Variants in PARP10 observed in about 807,000 individuals in gnomAD.
PARP10 encodes the protein poly(ADP-ribose) polymerase family member 10.
In PARP10, 56 loss-of-function variants were observed where a neutral mutation model predicts 82.4. That is an observed-to-expected ratio of 0.68 (90% CI 0.55 to 0.85). PARP10 has a LOEUF of 0.85. Ranked by LOEUF, PARP10 falls within the 40% of genes least tolerant of loss-of-function variation. PARP10 has a pLI of 0.00. For synonymous variants in PARP10, 576 were observed against 601.1 expected (o/e 0.96, Z 0.61); for missense variants, 1,227 against 1,379.4 (o/e 0.89, Z 1.75).
At chr8:144,000,222 T>C (rs1476642647) in intron 1 of PARP10, among the ~76,000 whole-genome samples, 1 of 152,170 alleles carries the variant, frequency 6.6e-6, no homozygotes, top group East Asian at 1.9e-4. Flanking sequence ...GTTGAAGATG[T>C]AACTGGTTAA....
At position 143,985,642 on chromosome 8, in the gene PARP10, C is replaced by T. The variant is rs138206875; in HGVS notation, c.443G>A (p.Arg148His). ...ATTCTGGGCCTGCTCCTCCAGGACA[C>T]GGACATCTGTGGGGTATGTGCAGGT... ...LPKPLSEADV[R>H]VLEEQAQNLG... is the part of the protein sequence containing the mutation. Residue 148 changes from arginine to histidine, a missense_variant, in exon 4 of 11, where the codon CGT becomes CAT. Transcript: ENST00000313028. 6.4e-5 allele frequency: 103 copies of T among 1,613,040 alleles called. No homozygotes were observed. The highest frequency in any genetic ancestry group is 1.8e-4 in the Admixed American group (11 of 59,822).
chr8:143,983,800 C>A lies in PARP10; in HGVS notation c.1789G>T (p.Glu597Ter). Reference protein sequence around the residue: ...QEDVSLEEVRELLATLEGLDL... With the variant: ...QEDVSLEEVR ...AGGCCCTCCAGGGTGGCCAGCAGTT[C>A]TCGGACCTCCTCTGGGGGCAGGGAG... is the stretch of plus-strand genomic sequence containing the variant. The change falls in exon 8 of 11, where the codon GAA becomes TAA. Residue 597 changes from glutamate to a stop codon, truncating the protein, a stop_gained. Coordinates refer to ENST00000313028, the MANE Select transcript of PARP10 (RefSeq NM_032789.5). LOFTEE classifies it high-confidence loss of function. 6.3e-7 allele frequency: 1 copy of A among 1,586,220 alleles called. No individual in the cohort carries two copies. The highest frequency in any genetic ancestry group is 8.6e-7 in the Non-Finnish European group (1 of 1,163,762).
Position 143,983,438 on chromosome 8 carries a change from C to G in PARP10, c.2151G>C (p.Gln717His). Residue 717 changes from glutamine to histidine, a missense_variant, in exon 8 of 11, where the codon CAG becomes CAC. Coordinates refer to ENST00000313028, the MANE Select transcript of PARP10 (RefSeq NM_032789.5). ...GCGCCCGGTCCAGCTCCTCCACATCCTGCTCAAAGGCCGAGTGCACCACCA... is the reference window on the plus strand; with the variant it reads ...GCGCCCGGTCCAGCTCCTCCACATCGTGCTCAAAGGCCGAGTGCACCACCA... ...AQLVVHSAFE[Q>H]DVEELDRALR... 6.2e-7 allele frequency: 1 copy of G among 1,605,714 alleles called. No individual in the cohort carries two copies. Among genetic ancestry groups the G allele is most frequent in the Non-Finnish European group, 8.5e-7 (1 of 1,179,420 alleles).
upstream of PARP10, chr8:143,992,131 C>G (rs756808596): frequency 5.6e-6 from 9 of 1,599,632 alleles, no homozygotes; most frequent in Non-Finnish European, 7.7e-6. Flanking sequence ...CAGTCCCACA[C>G]GCCCACTCTT....
intron 10 of PARP10, 35 bp downstream of exon 10, chr8:143,977,872 G>A (rs782098765): frequency 2.5e-6 from 4 of 1,597,522 alleles, no homozygotes; most frequent in Non-Finnish European, 2.6e-6. Flanking sequence ...GTCGGGGTGC[G>A]CAGAGCCCCC....
upstream of PARP10, chr8:143,990,838 C>G (rs1422230371): frequency 1.9e-5 from 3 of 159,244 alleles, no homozygotes; most frequent in East Asian, 1.9e-4. The surrounding 1 kb of genome is among the most constrained non-coding windows in gnomAD (Gnocchi z 5.6). Flanking sequence ...CGTCCCCGGC[C>G]GAGACCCCAG....
chr8:143,980,318 T>TCA (rs1833819429), intron 9 of PARP10, among the ~76,000 whole-genome samples: 1 of 15,666 alleles, frequency 6.4e-5, no homozygotes, highest in East Asian at 2.3e-3. Flanking sequence ...AGATTCCGTC[T>TCA]CAAAAAAAAA....
upstream of PARP10, chr8:143,988,904 C>G (rs1834044491): frequency 6.6e-6 from 1 of 152,206 alleles, no homozygotes; most frequent in African/African-American, 2.4e-5. Flanking sequence ...ACAGGTTATC[C>G]ATTACGCCGA....
chr8:143,992,122 A>C (rs1834108820), upstream of PARP10: 1 of 1,601,846 alleles, frequency 6.2e-7, no homozygotes, highest in Admixed American at 1.7e-5. Context: ...CCGGCCATGC[A>C]GTCCCACACG....
Position 143,978,016 on chromosome 8 carries a change from C to G in PARP10, c.2622G>C (p.Gln874His), listed in dbSNP as rs1833746864. ...GCTCCACCGGGCGCCGCTCGCATCG[C>G]TGCAGCAGGCGCTCCCGGTACAGCT... ...QYELYRERLL[Q>H]RCERRPVEQV... The change falls in exon 10 of 11, where the codon CAG (glutamine) becomes CAC (histidine). Residue 874 changes from glutamine (Q) to histidine (H), a missense_variant. Gln to His is a conservative substitution (Grantham distance 24, BLOSUM62 0). Transcript: ENST00000313028. 6.3e-7 allele frequency: 1 copy of G among 1,585,912 alleles called. No individual in the cohort carries two copies. The highest frequency in any genetic ancestry group is 1.7e-5 in the Admixed American group (1 of 58,956).
In PARP10 at chr8:143,977,766, G is replaced by C; in HGVS notation, c.2796C>G (p.Tyr932Ter). The C allele has an allele frequency of 1.2e-6, 2 of 1,604,736 alleles. No homozygotes were observed. The highest frequency in any genetic ancestry group is 1.7e-6 in the Non-Finnish European group (2 of 1,176,388). ...RRASLSVQDR[Y>*]SPPNADGHKA... ...TATGGCCATCGGCGTTGGGGGGCGAGTAGCGGTCCTGCACCGACAGGGAGG... is the reference window on the plus strand; with the variant it reads ...TATGGCCATCGGCGTTGGGGGGCGACTAGCGGTCCTGCACCGACAGGGAGG... Residue 932 changes from tyrosine to a stop codon, truncating the protein, a stop_gained, in exon 11 of 11, where the codon TAC becomes TAG. Coordinates refer to ENST00000313028, the MANE Select transcript of PARP10 (RefSeq NM_032789.5). LOFTEE classifies it low-confidence loss of function (END_TRUNC).
upstream of PARP10, chr8:143,992,727 C>T (rs1554750800): frequency 1.2e-6 from 2 of 1,613,902 alleles, no homozygotes; most frequent in Admixed American, 1.7e-5. Flanking sequence ...TACTGGGGAA[C>T]AAGCAGCTGT....
chr8:143,979,167 G>C (rs1425758217), intron 9 of PARP10, among the ~76,000 whole-genome samples: 1 of 151,992 alleles, frequency 6.6e-6, no homozygotes, highest in Non-Finnish European at 1.5e-5. Context: ...TAGAGAAGGG[G>C]TTTCACTGTG....
At position 143,982,461 on chromosome 8, in the gene PARP10, G is replaced by A. The variant is rs547723118; in HGVS notation, c.2556+471C>T. 2.6e-3 allele frequency among the ~76,000 whole-genome samples: 397 copies of A among 152,164 alleles called. 2 individuals are homozygous for A. Among genetic ancestry groups the A allele is most frequent in the Non-Finnish European group, 4.4e-3 (301 of 67,976 alleles). On this transcript the variant is annotated intron_variant, in intron 9 of 10. Transcript: ENST00000313028. ...TGCACTCCAGCCCAGGAGACACAGC[G>A]AGATGCCGTCTCAAAAAAGAGAGTG...
upstream of PARP10, among the ~76,000 whole-genome samples, chr8:143,994,870 C>T (rs117329797): frequency 6.6e-6 from 1 of 152,322 alleles, no homozygotes; most frequent in Non-Finnish European, 1.5e-5. Flanking sequence ...AAGAACCTGC[C>T]TAGCTCTAGC....
In PARP10 at chr8:143,985,306, C is replaced by G. The variant is rs34347880; in HGVS notation, c.696G>C (p.Gln232His). ...QWQVAERVLQ[Q>H]EHRLQGSELS... ...GCTCTGAGCCCTGCAACCGGTGCTCCTGCTGCAACACTCGTTCTGCCACTT... is the reference window on the plus strand; with the variant it reads ...GCTCTGAGCCCTGCAACCGGTGCTCGTGCTGCAACACTCGTTCTGCCACTT... The change falls in exon 5 of 11, where the codon CAG (glutamine) becomes CAC (histidine). Residue 232 changes from glutamine (Q) to histidine (H), a missense_variant. Transcript: ENST00000313028. 28 of 1,609,722 alleles carry G rather than the reference C, an allele frequency of 1.7e-5. No individual in the cohort carries two copies. Among genetic ancestry groups the G allele is most frequent in the Non-Finnish European group, 2.2e-5 (26 of 1,177,598 alleles).
intron 9 of PARP10, 34 bp downstream of exon 9, chr8:143,982,898 G>T (rs782598050): frequency 1.2e-6 from 2 of 1,608,648 alleles, no homozygotes; most frequent in South Asian, 1.1e-5. Flanking sequence ...AGCCCAGGAC[G>T]CCATGAGGCC....
Position 143,977,760 on chromosome 8 carries a change from G to A in PARP10, c.2802C>T (p.Pro934=), listed in dbSNP as rs1554746609. 1 of 1,604,372 alleles carries A rather than the reference G, an allele frequency of 6.2e-7. No individual in the cohort carries two copies. The change falls in exon 11 of 11, where the codon CCC becomes CCT. Residue 934 remains proline (P), a synonymous_variant. Transcript: ENST00000313028. ...ASLSVQDRYS[P]PNADGHKAVF... ...CCGCCTTATGGCCATCGGCGTTGGG[G>A]GGCGAGTAGCGGTCCTGCACCGACA... is the stretch of plus-strand genomic sequence containing the variant.
chr8:143,982,508 C>T (rs1262836952), intron 9 of PARP10, among the ~76,000 whole-genome samples: 1 of 152,218 alleles, frequency 6.6e-6, no homozygotes, highest in Non-Finnish European at 1.5e-5. Context: ...GTCATCAGCA[C>T]AGTGACCGCA....
Sources: allele counts gnomAD v4.1 joint callset (sites outside exome capture counted in the v4.1 genomes callset), GRCh38; gene constraint gnomAD v4.1.1; non-coding constraint Gnocchi (gnomAD v3.1); transcripts MANE v1.5; gene names NCBI Gene and HGNC (gene_info 2026-07-23, HGNC 2026-07-21).